The following SNTG2 variants were observed in gnomAD, a reference collection of about 807,000 sequenced individuals.
SNTG2 encodes gamma-2-syntrophin.
SNTG2 carries 74 observed loss-of-function variants against 70.9 expected under a neutral mutation model. That is an observed-to-expected ratio of 1.04 (90% CI 0.86 to 1.27). The LOEUF (loss-of-function observed/expected upper bound fraction) is 1.27. SNTG2 is among the 50% of genes most tolerant of loss of function. The probability of loss-of-function intolerance (pLI) is 0.00; values close to 1 mark genes in which losing one functional copy is unlikely to be tolerated. For synonymous variants in SNTG2, 278 were observed against 273.8 expected, an observed-to-expected ratio of 1.02 and a Z score of -0.15; for missense variants, 717 against 690.7, an observed-to-expected ratio of 1.04 and a Z score of -0.43.
intron 16 of SNTG2, among the ~76,000 whole-genome samples, chr2:1,350,130 C>T (rs1256194851): frequency 6.6e-6 from 1 of 152,070 alleles, no homozygotes; most frequent in African/African-American, 2.4e-5. Context: ...CCAGTGCCTT[C>T]TACATTTCAG....
At chr2:1,068,982 A>G (rs1472117144) in intron 1 of SNTG2, among the ~76,000 whole-genome samples, 1 of 152,230 alleles carries the variant, frequency 6.6e-6, no homozygotes, top group Admixed American at 6.5e-5. Flanking sequence ...ACAAAGCTTA[A>G]AAGGCTGAGT....
At chr2:983,085 G>A (rs1156243307) in intron 1 of SNTG2, among the ~76,000 whole-genome samples, 2 of 151,166 alleles carry the variant, frequency 1.3e-5, no homozygotes, top group African/African-American at 4.9e-5. Context: ...GGTGGAGGTT[G>A]GGATGAAGCA....
chr2:1,282,822 A>G (rs1455907553), intron 14 of SNTG2, among the ~76,000 whole-genome samples: 12 of 150,714 alleles, frequency 8.0e-5, no homozygotes. Flanking sequence ...GACTGATACG[A>G]TAAGTAGAGC....
intron 16 of SNTG2, among the ~76,000 whole-genome samples, chr2:1,319,878 A>G (rs1681442100): frequency 6.6e-6 from 1 of 152,254 alleles, no homozygotes; most frequent in Admixed American, 6.5e-5. Flanking sequence ...AGCTAATGCA[A>G]GACTTAAGGA....
intron 11 of SNTG2, among the ~76,000 whole-genome samples, chr2:1,240,030 A>T (rs1336367043): frequency 6.6e-6 from 1 of 152,122 alleles, no homozygotes; most frequent in Non-Finnish European, 1.5e-5. Context: ...TTATTTCTCT[A>T]TTGGCAGTTA....
chr2:1,302,025 G>GCACA (rs1680474139), intron 14 of SNTG2, among the ~76,000 whole-genome samples: 1 of 149,662 alleles, frequency 6.7e-6, no homozygotes, highest in Admixed American at 6.6e-5. Flanking sequence ...GCAGTGGTGT[G>GCACA]ATCTCGGCTC....
At position 1,292,960 on chromosome 2, in the gene SNTG2, G is replaced by A. The variant is rs149528158; in HGVS notation, c.1285-15534G>A. Among the ~76,000 whole-genome samples, 681 of 152,268 alleles carry A rather than the reference G, an allele frequency of 4.5e-3. 7 individuals are homozygous for A. The highest frequency in any genetic ancestry group is 0.015 in the African/African-American group (639 of 41,558). ...TAAATGTTTGGTAGAATTCACCAGCGAAACTATCTGGCCCTTGGCTTTTCT... is the reference window on the plus strand; with the variant it reads ...TAAATGTTTGGTAGAATTCACCAGCAAAACTATCTGGCCCTTGGCTTTTCT... On this transcript the variant is annotated intron_variant, in intron 14 of 16. Transcript: ENST00000308624.
At chr2:1,314,878 A>G (rs1409959274) in intron 15 of SNTG2, among the ~76,000 whole-genome samples, 1 of 152,096 alleles carries the variant, frequency 6.6e-6, no homozygotes, top group Non-Finnish European at 1.5e-5. Context: ...AAACCATCAG[A>G]TCATGTGAGA....
intron 1 of SNTG2, among the ~76,000 whole-genome samples, chr2:1,077,656 A>G (rs1572375886): frequency 6.6e-6 from 1 of 152,124 alleles, no homozygotes; most frequent in African/African-American, 2.4e-5. Flanking sequence ...TTTGAGTCAC[A>G]CTAACCCAAT....
rs200548143 is a variant in SNTG2 at position 1,237,941 on chromosome 2, G to C, written c.773G>C (p.Arg258Pro). 1 of 1,608,266 alleles carries C rather than the reference G, an allele frequency of 6.2e-7. No individual in the cohort carries two copies. The highest frequency in any genetic ancestry group is 8.5e-7 in the Non-Finnish European group (1 of 1,177,672). The change falls in exon 10 of 17, where the codon CGG (arginine) becomes CCG (proline). Residue 258 changes from arginine (R) to proline (P), a missense_variant. Arg to Pro is a moderately radical substitution (Grantham distance 103, BLOSUM62 -2). Transcript: ENST00000308624. Reference protein sequence around the residue: ...ALDGVSSGILRFYTAQDGTDW... With the variant: ...ALDGVSSGILPFYTAQDGTDW... ...GACGGAGTCAGCTCTGGGATCCTCC[G>C]GTTTTACACAGCCCAGGATGGCACC...
intron 6 of SNTG2, among the ~76,000 whole-genome samples, chr2:1,154,049 A>T (rs1454569185): frequency 6.6e-6 from 1 of 152,272 alleles, no homozygotes; most frequent in Non-Finnish European, 1.5e-5. Context: ...AGCAAAAAAC[A>T]GGAAATCTTA....
At chr2:1,187,815 T>G (rs115753299) in intron 8 of SNTG2, among the ~76,000 whole-genome samples, 2,122 of 152,312 alleles carry the variant, frequency 0.014, 45 homozygotes, top group African/African-American at 0.046. Flanking sequence ...TTCAAAATTA[T>G]GTAGGAAAGA....
At chr2:1,016,568 C>T (rs1199464717) in intron 1 of SNTG2, among the ~76,000 whole-genome samples, 1 of 152,212 alleles carries the variant, frequency 6.6e-6, no homozygotes, top group Non-Finnish European at 1.5e-5. Flanking sequence ...TAAAGAGTTG[C>T]AGCCCTCAGG....
At chr2:1,362,234 G>A (rs1265380514) in intron 16 of SNTG2, among the ~76,000 whole-genome samples, 3 of 151,650 alleles carry the variant, frequency 2.0e-5, no homozygotes, top group South Asian at 2.1e-4. Context: ...CACCAACACT[G>A]AGTGTTTCAG....
At chr2:1,045,226 G>A (rs13398969) in intron 1 of SNTG2, among the ~76,000 whole-genome samples, 1 of 151,898 alleles carries the variant, frequency 6.6e-6, no homozygotes, top group African/African-American at 2.4e-5. Flanking sequence ...TTTCTGTGGA[G>A]ATAGTGGTAA....
At chr2:1,057,852 A>T (rs1264076986) in intron 1 of SNTG2, among the ~76,000 whole-genome samples, 1 of 152,186 alleles carries the variant, frequency 6.6e-6, no homozygotes, top group East Asian at 1.9e-4. Context: ...CAGCTGGACA[A>T]CATGGTGAGA....
At chr2:1,131,427 TC>T (rs1252015609) in intron 4 of SNTG2, among the ~76,000 whole-genome samples, 9 of 152,176 alleles carry the variant, frequency 5.9e-5, no homozygotes, top group Non-Finnish European at 1.0e-4. Flanking sequence ...TTTTGGCAAA[TC>T]CATTTGACTT....
chr2:1,017,982 G>C (rs753164480), intron 1 of SNTG2, among the ~76,000 whole-genome samples: 1 of 152,100 alleles, frequency 6.6e-6, no homozygotes, highest in Non-Finnish European at 1.5e-5. Flanking sequence ...TCTCCAGTTG[G>C]GTTTCGTCCA....
intron 1 of SNTG2, among the ~76,000 whole-genome samples, chr2:1,058,348 GCAAA>G (rs1004929807): frequency 2.6e-4 from 40 of 152,174 alleles, no homozygotes; most frequent in African/African-American, 8.7e-4. Context: ...TTTTAAAAAA[GCAAA>G]CAACACACCA....
Sources: gnomAD v4.1 joint callset for allele counts (sites outside exome capture counted in the v4.1 genomes callset) on GRCh38, gnomAD v4.1.1 for gene constraint, MANE v1.5 for transcripts, NCBI Gene and HGNC (gene_info 2026-07-23, HGNC 2026-07-21) for gene names.